Variants in COPA observed in about 807,000 individuals in gnomAD.
The protein encoded by COPA is coatomer subunit alpha.
A neutral mutation model predicts 158.7 loss-of-function variants in COPA; 10 were observed. The observed-to-expected ratio is 0.06, with a 90% CI of 0.04 to 0.11. The LOEUF is 0.11. COPA is among the 10% of genes least tolerant of loss of function. The probability of loss-of-function intolerance (pLI) is 1.00; values close to 1 mark genes in which losing one functional copy is unlikely to be tolerated. For missense variants in COPA, 1,065 were observed against 1,536.7 expected (o/e 0.69, Z 5.13); for synonymous variants, 462 against 542.8 (o/e 0.85, Z 2.07).
rs917309807 is a variant in COPA at position 160,289,179 on chromosome 1, T to A, written c.*978A>T. 11 of 151,954 alleles carry A rather than the reference T, an allele frequency of 7.2e-5. No individual in the cohort carries two copies. In the East Asian group the frequency reaches 1.9e-3, roughly 27 times the overall value. 9.4% of individuals were successfully genotyped at this position (151,954 alleles called of 1,614,324 possible). On this transcript the variant is annotated 3_prime_UTR_variant, in exon 33 of 33. Transcript: ENST00000241704. ...CAATAGTGGATGTTTATTTTGTAAT[T>A]AAAAATTATTACTGGAAGGAAGATA...
chr1:160,330,724 A>G (rs963150547), intron 6 of COPA, among the ~76,000 whole-genome samples: 1 of 152,234 alleles, frequency 6.6e-6, no homozygotes, highest in Non-Finnish European at 1.5e-5. Context: ...TTATCACCTC[A>G]GCTGTACAAT....
chr1:160,308,653 G>C (rs1245215994), intron 13 of COPA, among the ~76,000 whole-genome samples: 2 of 152,208 alleles, frequency 1.3e-5, no homozygotes, highest in African/African-American at 4.8e-5. Context: ...GATCCCAGGT[G>C]GGGTGTGGGG....
chr1:160,292,297 C>G, intron 28 of COPA, 99 bp from the exon 29 acceptor site: 1 of 1,552,104 alleles, frequency 6.4e-7, no homozygotes, highest in Non-Finnish European at 8.8e-7. Context: ...CCTCCTGTCT[C>G]CTGTTAAAGT....
Position 160,332,013 on chromosome 1 carries a change from G to A in COPA, c.496+435C>T, listed in dbSNP as rs944267257. On this transcript the variant is annotated intron_variant, in intron 6 of 32. Coordinates refer to ENST00000241704, the MANE Select transcript of COPA (RefSeq NM_004371.4). ...CTCCTAGAACCCAACCATGCTCCCCGCACTAGAAGAAACGTAATAGAGAGA... is the reference window on the plus strand; with the variant it reads ...CTCCTAGAACCCAACCATGCTCCCCACACTAGAAGAAACGTAATAGAGAGA... Among the ~76,000 whole-genome samples the A allele has an allele frequency of 4.0e-5, 6 of 151,768 alleles. No individual in the cohort carries two copies. The South Asian group carries it at 6.2e-4, about 16-fold the overall frequency.
intron 7 of COPA, among the ~76,000 whole-genome samples, chr1:160,325,256 C>A (rs1313595634): frequency 1.3e-5 from 2 of 152,200 alleles, no homozygotes; most frequent in East Asian, 3.8e-4. Flanking sequence ...CCCTGCCTTA[C>A]AGAAAGCTTG....
chr1:160,339,732 G>A (rs1004052297), intron 3 of COPA, 177 bp downstream of exon 3: 1 of 520,052 alleles, frequency 1.9e-6, no homozygotes, highest in Non-Finnish European at 3.4e-6. Context: ...AAAGAAAACA[G>A]TGTCTGGTAC....
chr1:160,315,641 T>C (rs1375687704), intron 8 of COPA, among the ~76,000 whole-genome samples: 2 of 152,200 alleles, frequency 1.3e-5, no homozygotes, highest in Non-Finnish European at 2.9e-5. Flanking sequence ...TAAGCAAATA[T>C]ATCCAATAAA....
chr1:160,337,444 G>A (rs773725120), intron 3 of COPA, among the ~76,000 whole-genome samples: 15 of 152,212 alleles, frequency 9.9e-5, no homozygotes, highest in Non-Finnish European at 1.9e-4. Context: ...AATGGGCCGG[G>A]TGCGGTGGCT....
At chr1:160,307,395 CTAT>C in intron 13 of COPA, 150 bp from the exon 14 acceptor site, 2 of 714,962 alleles carry the variant, frequency 2.8e-6, no homozygotes, top group South Asian at 3.1e-5. Context: ...TAACCTGGGG[CTAT>C]TATTGAGTGA....
intron 1 of COPA, among the ~76,000 whole-genome samples, chr1:160,342,903 C>A (rs958534932): frequency 6.6e-6 from 1 of 152,132 alleles, no homozygotes; most frequent in Non-Finnish European, 1.5e-5. Flanking sequence ...AAGGAATCCC[C>A]TGCAGTGTGG....
At chr1:160,308,359 C>T (rs551397700) in intron 13 of COPA, among the ~76,000 whole-genome samples, 1 of 152,188 alleles carries the variant, frequency 6.6e-6, no homozygotes, top group East Asian at 1.9e-4. Flanking sequence ...CAATAATAAC[C>T]CAGGGGCACC....
chr1:160,298,419 T>C (rs1360418253), intron 19 of COPA, among the ~76,000 whole-genome samples: 1 of 152,152 alleles, frequency 6.6e-6, no homozygotes, highest in Non-Finnish European at 1.5e-5. Context: ...GAAATACTAC[T>C]AGGAAGAAGT....
chr1:160,306,228 G>C (rs1658781312), intron 15 of COPA, 126 bp downstream of exon 15: 1 of 1,026,492 alleles, frequency 9.7e-7, no homozygotes, highest in Admixed American at 2.5e-5. Flanking sequence ...TTACTATAAA[G>C]AGTCTTGGAG....
chr1:160,320,153 G>C (rs1659287023), intron 8 of COPA, among the ~76,000 whole-genome samples: 1 of 152,016 alleles, frequency 6.6e-6, no homozygotes, highest in Admixed American at 6.6e-5. Flanking sequence ...GGAAAAAGGA[G>C]AGAAGATCCA....
chr1:160,306,547 TGAC>T, intron 14 of COPA, 54 bp from the exon 15 acceptor site: 1 of 1,597,958 alleles, frequency 6.3e-7, no homozygotes, highest in Non-Finnish European at 8.6e-7. Context: ...TAGATGATGA[TGAC>T]AACTGATGAT....
At chr1:160,342,081 G>A (rs1172133104) in intron 1 of COPA, among the ~76,000 whole-genome samples, 2 of 152,076 alleles carry the variant, frequency 1.3e-5, no homozygotes, top group African/African-American at 2.4e-5. Context: ...TCCAGTTTTT[G>A]AGCTACTGAG....
intron 8 of COPA, among the ~76,000 whole-genome samples, chr1:160,315,201 G>A (rs1186926841): frequency 6.6e-6 from 1 of 152,190 alleles, no homozygotes; most frequent in East Asian, 1.9e-4. Flanking sequence ...ACTGGAAAAA[G>A]TGAGACTGAG....
intron 17 of COPA, among the ~76,000 whole-genome samples, chr1:160,304,047 G>A (rs968528973): frequency 2.0e-5 from 3 of 151,658 alleles, no homozygotes; most frequent in Non-Finnish European, 4.4e-5. Context: ...ACAGAGTTTC[G>A]CTCGTTGCCC....
Position 160,315,009 on chromosome 1 carries a change from C to T in COPA, c.707-884G>A, listed in dbSNP as rs113821381. On this transcript the variant is annotated intron_variant, in intron 8 of 32. Transcript: ENST00000241704. ...TATAGAAGCAAGCTGGCTTCACTCC[C>T]CTCCACAGAAAACCCAAAACAAATA... Among the ~76,000 whole-genome samples, 1,146 of 152,292 alleles carry T rather than the reference C, an allele frequency of 7.5e-3. 21 individuals carry two copies. The highest frequency in any genetic ancestry group is 0.026 in the African/African-American group (1,088 of 41,542).
Sources: gnomAD v4.1 joint callset for allele counts (sites outside exome capture counted in the v4.1 genomes callset) on GRCh38, gnomAD v4.1.1 for gene constraint, MANE v1.5 for transcripts, NCBI Gene and HGNC (gene_info 2026-07-23, HGNC 2026-07-21) for gene names.